Variants in LPCAT2 observed in about 807,000 individuals in gnomAD.
LPCAT2 encodes the protein 1-AGP acyltransferase 11.
Under a neutral mutation model 64.7 loss-of-function variants are expected in LPCAT2, and 58 were observed. The ratio of observed to expected loss-of-function variants is 0.90; its 90% CI spans 0.73 to 1.12. The LOEUF (loss-of-function observed/expected upper bound fraction) is 1.12. Among genes scored for constraint, LPCAT2 ranks in the 50% most tolerant of loss-of-function variants. LPCAT2 has a pLI of 0.00. For missense variants in LPCAT2, 579 were observed against 669.8 expected (o/e 0.86, Z 1.50); for synonymous variants, 252 against 245.3 (o/e 1.03, Z -0.26).
intron 1 of LPCAT2, among the ~76,000 whole-genome samples, chr16:55,520,877 C>T (rs1963086271): frequency 6.6e-6 from 1 of 151,768 alleles, no homozygotes. Context: ...TAAACCAATA[C>T]ATTTAAATAC....
chr16:55,572,242 C>G (rs1206134994), intron 11 of LPCAT2, among the ~76,000 whole-genome samples: 1 of 152,054 alleles, frequency 6.6e-6, no homozygotes, highest in East Asian at 1.9e-4. Flanking sequence ...TGCTTCCTGA[C>G]AAGTGTTACA....
chr16:55,573,787 G>A (rs1963796680), intron 11 of LPCAT2, among the ~76,000 whole-genome samples: 1 of 149,238 alleles, frequency 6.7e-6, no homozygotes, highest in African/African-American at 2.5e-5. Context: ...TTCTTTTTTA[G>A]TTCTCTGTCT....
intron 12 of LPCAT2, among the ~76,000 whole-genome samples, chr16:55,578,296 T>C (rs560276157): frequency 3.3e-5 from 5 of 152,312 alleles, no homozygotes; most frequent in African/African-American, 1.2e-4. Context: ...ATTCTGAATC[T>C]CTTCTTTACT....
intron 6 of LPCAT2, among the ~76,000 whole-genome samples, chr16:55,533,636 C>G (rs1275396329): frequency 6.6e-6 from 1 of 152,056 alleles, no homozygotes; most frequent in Non-Finnish European, 1.5e-5. Flanking sequence ...TGGTCTTGAA[C>G]TCCTGACCTC....
At position 55,555,911 on chromosome 16, in the gene LPCAT2, T is replaced by A. The variant is rs189845907; in HGVS notation, c.1215+4809T>A. Among the ~76,000 whole-genome samples the A allele has an allele frequency of 1.8e-3, 274 of 152,262 alleles. 1 individual carries two copies. Among genetic ancestry groups the A allele is most frequent in the Non-Finnish European group, 2.7e-3 (183 of 68,012 alleles). The stretch of plus-strand genomic sequence containing the variant: ...CTCACTGCAACCTGTGCCTCCCGGG[T>A]CCAAGTGATTCTCCTGCCTCAGCCT... On this transcript the variant is annotated intron_variant, in intron 11 of 13. Transcript: ENST00000262134.
At chr16:55,544,844 G>A (rs1306795648) in intron 8 of LPCAT2, among the ~76,000 whole-genome samples, 2 of 152,094 alleles carry the variant, frequency 1.3e-5, no homozygotes, top group African/African-American at 4.8e-5. Flanking sequence ...ATCTTGGGCT[G>A]AATTCTGGCC....
chr16:55,522,666 A>G (rs1349557870), intron 1 of LPCAT2, among the ~76,000 whole-genome samples: 2 of 151,754 alleles, frequency 1.3e-5, no homozygotes, highest in Non-Finnish European at 3.0e-5. Flanking sequence ...GAAAATCCAT[A>G]CATTAATATT....
chr16:55,552,621 C>T lies in LPCAT2; in HGVS notation c.1215+1519C>T, dbSNP rs150280998. 2.6e-3 allele frequency among the ~76,000 whole-genome samples: 401 copies of T among 152,260 alleles called. 2 individuals are homozygous for T. Among genetic ancestry groups the T allele is most frequent in the Non-Finnish European group, 4.2e-3 (287 of 68,026 alleles). ...GAGGGAGTATCACAATAAAGTGAGCCATATGCAGTTTTTGTTTTCCCAGTG... is the reference window on the plus strand; with the variant it reads ...GAGGGAGTATCACAATAAAGTGAGCTATATGCAGTTTTTGTTTTCCCAGTG... On this transcript the variant is annotated intron_variant, in intron 11 of 13. Coordinates refer to ENST00000262134, the MANE Select transcript of LPCAT2 (RefSeq NM_017839.5).
Position 55,574,724 on chromosome 16 carries a change from T to C in LPCAT2, c.1309T>C (p.Phe437Leu). 1 of 1,612,860 alleles carries C rather than the reference T, an allele frequency of 6.2e-7. No homozygotes were observed. The highest frequency in any genetic ancestry group is 8.5e-7 in the Non-Finnish European group (1 of 1,179,036). Reference sequence around the variant, plus strand: ...CACAGAGGAGATCATCCAGGTGGCATTTAAGGTACTGTCAGCCCCATTGAA... The same window carrying C: ...CACAGAGGAGATCATCCAGGTGGCACTTAAGGTACTGTCAGCCCCATTGAA... The part of the protein sequence containing the change: ...SNTEEIIQVA[F>L]KLFDVDEDGY... Residue 437 changes from phenylalanine to leucine, a missense_variant, in exon 12 of 14, where the codon TTT becomes CTT. Transcript: ENST00000262134.
At chr16:55,550,848 A>T in intron 10 of LPCAT2, 101 bp from the exon 11 acceptor site, 9 of 999,708 alleles carry the variant, frequency 9.0e-6, no homozygotes, top group Non-Finnish European at 1.1e-5. Context: ...AACACTTAAA[A>T]TATTTTTCTC....
intron 11 of LPCAT2, among the ~76,000 whole-genome samples, chr16:55,566,391 A>C (rs1204728077): frequency 6.6e-6 from 1 of 152,196 alleles, no homozygotes; most frequent in African/African-American, 2.4e-5. Flanking sequence ...TTTTCCTGTT[A>C]GGAAAATGCA....
chr16:55,519,053 A>G lies in LPCAT2; in HGVS notation c.172-6455A>G, dbSNP rs574433730. On this transcript the variant is annotated intron_variant, in intron 1 of 13. Coordinates refer to ENST00000262134, the MANE Select transcript of LPCAT2 (RefSeq NM_017839.5). ...TTGATAAGAGTAGAGTGTTCAAAAC[A>G]TATAAATAACTCTTAGAACTCACCA... 6.6e-5 allele frequency among the ~76,000 whole-genome samples: 10 copies of G among 151,806 alleles called. No homozygotes were observed. The East Asian group carries it at 1.6e-3, about 24-fold the overall frequency.
At chr16:55,522,920 C>T (rs1963117952) in intron 1 of LPCAT2, among the ~76,000 whole-genome samples, 1 of 151,268 alleles carries the variant, frequency 6.6e-6, no homozygotes, top group African/African-American at 2.4e-5. Flanking sequence ...CAGAAGGACA[C>T]AGAAAAGAAT....
Position 55,553,993 on chromosome 16 carries a change from T to A in LPCAT2, c.1215+2891T>A, listed in dbSNP as rs145932993. On this transcript the variant is annotated intron_variant, in intron 11 of 13. Transcript: ENST00000262134. ...TAATATTTTGAAAGGAATCTTTTTT[T>A]CCTGAGCAGTAGGTCTCAACAATGT... Among the ~76,000 whole-genome samples the A allele has an allele frequency of 1.8e-3, 278 of 152,350 alleles. 5 individuals are homozygous for A. The East Asian group carries it at 0.025, about 14-fold the overall frequency.
At chr16:55,539,790 C>T (rs1361535599) in intron 8 of LPCAT2, 1 of 152,004 alleles carries the variant, frequency 6.6e-6, no homozygotes, top group Non-Finnish European at 1.5e-5. Flanking sequence ...TCTCAAGTAA[C>T]CCCCTTTTTT....
At chr16:55,538,767 A>G (rs1770445081) in intron 8 of LPCAT2, 1 of 151,762 alleles carries the variant, frequency 6.6e-6, no homozygotes, top group African/African-American at 2.4e-5. Context: ...CTAATTTAAT[A>G]ACATTTGGAA....
In LPCAT2 at chr16:55,567,700, T is replaced by TAA. The variant is rs1963722580; in HGVS notation, c.1216-6931_1216-6930insAA. The TAA allele has an allele frequency of 4.1e-5, 24 of 584,904 alleles. No homozygotes were observed. The South Asian group carries it at 5.8e-4, about 14-fold the overall frequency. The allele number at this position is 584,904 out of a possible 1,614,324, so 36.2% of individuals were successfully genotyped here. ...ATTTCACGAAAAATGTTCTGAGTGG[T>TAA]TTGTATATCAGCTTTTTGAGATTTG... On this transcript the variant is annotated intron_variant, in intron 11 of 13. Coordinates refer to ENST00000262134, the MANE Select transcript of LPCAT2 (RefSeq NM_017839.5).
intron 13 of LPCAT2, 140 bp downstream of exon 13, chr16:55,579,384 T>C (rs1318080740): frequency 7.5e-6 from 6 of 795,688 alleles, no homozygotes; most frequent in Non-Finnish European, 1.1e-5. Flanking sequence ...ACAGTAATAA[T>C]AGTAGTAATG....
At chr16:55,544,840 G>A (rs1963435613) in intron 8 of LPCAT2, among the ~76,000 whole-genome samples, 1 of 152,016 alleles carries the variant, frequency 6.6e-6, no homozygotes, top group Non-Finnish European at 1.5e-5. Flanking sequence ...ACAAATCTTG[G>A]GCTGAATTCT....
Sources: gnomAD v4.1 joint callset for allele counts (sites outside exome capture counted in the v4.1 genomes callset) on GRCh38, gnomAD v4.1.1 for gene constraint, MANE v1.5 for transcripts, NCBI Gene and HGNC (gene_info 2026-07-23, HGNC 2026-07-21) for gene names.